Variants in KCMF1 observed in about 807,000 individuals in gnomAD.
KCMF1 encodes E3 ubiquitin-protein ligase KCMF1.
A neutral mutation model predicts 41.1 loss-of-function variants in KCMF1; 3 were observed. The observed-to-expected ratio is 0.07, with a 90% CI of 0.03 to 0.19. KCMF1 has a LOEUF of 0.19. KCMF1 is among the 10% of genes least tolerant of loss of function. KCMF1 has a pLI of 1.00. For missense variants in KCMF1, 286 were observed against 488.9 expected (o/e 0.58, Z 3.91); for synonymous variants, 142 against 164.5 (o/e 0.86, Z 1.04).
At chr2:85,036,492 G>T (rs966966162) in intron 3 of KCMF1, among the ~76,000 whole-genome samples, 22 of 152,112 alleles carry the variant, frequency 1.4e-4, no homozygotes, top group African/African-American at 5.3e-4. Flanking sequence ...TTGTAAATTA[G>T]GCATCCTTAA....
At chr2:85,005,561 A>G (rs901950210) in intron 1 of KCMF1, among the ~76,000 whole-genome samples, 1 of 152,114 alleles carries the variant, frequency 6.6e-6, no homozygotes, top group African/African-American at 2.4e-5. Context: ...AAGTGCTGGG[A>G]TTACAGGCAT....
At chr2:85,010,655 T>C (rs1190970636) in intron 1 of KCMF1, among the ~76,000 whole-genome samples, 2 of 152,166 alleles carry the variant, frequency 1.3e-5, no homozygotes, top group African/African-American at 4.8e-5. Context: ...AATAGTGACA[T>C]GTGCCTAGTG....
At chr2:85,030,939 C>G (rs748677574) in intron 2 of KCMF1, among the ~76,000 whole-genome samples, 2 of 152,192 alleles carry the variant, frequency 1.3e-5, no homozygotes, top group African/African-American at 4.8e-5. Flanking sequence ...TCAAAGTGAT[C>G]TGCCTGCCTC....
chr2:85,027,860 G>A (rs1293452441), intron 1 of KCMF1, 29 bp from the exon 2 acceptor site: 2 of 1,491,974 alleles, frequency 1.3e-6, no homozygotes, highest in Non-Finnish European at 9.1e-7. Context: ...TTTACAACTG[G>A]TAACTAAAGA....
At chr2:85,025,797 AT>A (rs1211043240) in intron 1 of KCMF1, among the ~76,000 whole-genome samples, 2 of 151,734 alleles carry the variant, frequency 1.3e-5, no homozygotes, top group African/African-American at 2.4e-5. Context: ...TAAATGACAT[AT>A]TTTTAATAAT....
At chr2:84,993,438 A>C (rs561355462) in intron 1 of KCMF1, among the ~76,000 whole-genome samples, 1 of 151,768 alleles carries the variant, frequency 6.6e-6, no homozygotes, top group Non-Finnish European at 1.5e-5. Context: ...CTGTTGGGAG[A>C]TAATTTGTTT....
At chr2:85,017,280 C>A (rs547988782) in intron 1 of KCMF1, among the ~76,000 whole-genome samples, 9 of 152,050 alleles carry the variant, frequency 5.9e-5, no homozygotes, top group Admixed American at 5.9e-4. Context: ...CCCGCTTCGG[C>A]CTCCCAAAGT....
intron 1 of KCMF1, among the ~76,000 whole-genome samples, chr2:84,982,924 C>T (rs1234392267): frequency 6.6e-6 from 1 of 152,158 alleles, no homozygotes; most frequent in Non-Finnish European, 1.5e-5. Context: ...CTGATTTTCT[C>T]TTCTCTAGGA....
intron 4 of KCMF1, among the ~76,000 whole-genome samples, chr2:85,045,463 T>C (rs1675641657): frequency 6.6e-6 from 1 of 152,138 alleles, no homozygotes; most frequent in Non-Finnish European, 1.5e-5. Context: ...TAATCTGCAT[T>C]ATAAAGCTGG....
intron 2 of KCMF1, among the ~76,000 whole-genome samples, chr2:85,028,949 CAAAT>C (rs1227781021): frequency 6.6e-6 from 1 of 152,122 alleles, no homozygotes; most frequent in East Asian, 1.9e-4. Context: ...TATTAACACA[CAAAT>C]AATAGCTTTA....
intron 1 of KCMF1, among the ~76,000 whole-genome samples, chr2:85,008,340 G>GATATGTA: frequency 3.7e-5 from 1 of 27,326 alleles, no homozygotes; most frequent in South Asian, 1.0e-3. Flanking sequence ...TATATAATAT[G>GATATGTA]ATATATAATA....
chr2:84,993,217 AAAAC>A (rs1674089875), intron 1 of KCMF1, among the ~76,000 whole-genome samples: 1 of 151,926 alleles, frequency 6.6e-6, no homozygotes, highest in Admixed American at 6.6e-5. Flanking sequence ...AAACAGGAAA[AAAAC>A]AAAACAAAAC....
intron 1 of KCMF1, among the ~76,000 whole-genome samples, chr2:84,997,482 G>C (rs1472854069): frequency 2.6e-5 from 4 of 152,086 alleles, no homozygotes; most frequent in South Asian, 4.1e-4. Context: ...TTGAGGACTT[G>C]AAGAAGGCAT....
At chr2:85,052,793 C>G (rs1675838567) in intron 6 of KCMF1, among the ~76,000 whole-genome samples, 1 of 152,230 alleles carries the variant, frequency 6.6e-6, no homozygotes, top group Non-Finnish European at 1.5e-5. Flanking sequence ...TTATTTACCC[C>G]CAGATGAAAT....
rs1387498096 is a variant in KCMF1, at chr2:85,038,621, T to C, written c.324+3466T>C. Among the ~76,000 whole-genome samples the C allele has an allele frequency of 2.0e-5, 3 of 152,224 alleles. No individual in the cohort carries two copies. In the East Asian group the frequency reaches 5.8e-4, roughly 29 times the overall value. On this transcript the variant is annotated intron_variant, in intron 3 of 6. Coordinates refer to ENST00000409785, the MANE Select transcript of KCMF1 (RefSeq NM_020122.5). Reference sequence around the variant, plus strand: ...CTTTCTTCTTCTTCTTCTTCTTTTTTTTCTTTTTTTGTATAAGCACTAAAG... The same window carrying C: ...CTTTCTTCTTCTTCTTCTTCTTTTTCTTCTTTTTTTGTATAAGCACTAAAG...
chr2:85,013,670 C>T (rs1202506980), intron 1 of KCMF1, among the ~76,000 whole-genome samples: 1 of 151,890 alleles, frequency 6.6e-6, no homozygotes, highest in African/African-American at 2.4e-5. Flanking sequence ...TGGTGGCACG[C>T]ACTTGTAATC....
chr2:85,004,706 G>A (rs1674423339), intron 1 of KCMF1, among the ~76,000 whole-genome samples: 2 of 151,976 alleles, frequency 1.3e-5, no homozygotes, highest in Admixed American at 1.3e-4. Context: ...TCGTAGGATT[G>A]TTTGCTTACC....
chr2:85,044,019 G>A (rs949191560), intron 4 of KCMF1, among the ~76,000 whole-genome samples: 4 of 152,176 alleles, frequency 2.6e-5, no homozygotes, highest in Admixed American at 1.3e-4. Context: ...TTCATTAAGT[G>A]AAAGTTGACT....
Position 84,998,943 on chromosome 2 carries a change from T to C in KCMF1, c.16+27476T>C, listed in dbSNP as rs1388686605. The stretch of plus-strand genomic sequence containing the variant: ...CTATCTATCTATCTATCTATCTATC[T>C]ATCTATCTATCTATCTATCTATCTG... On this transcript the variant is annotated intron_variant, in intron 1 of 6. Transcript: ENST00000409785. Among the ~76,000 whole-genome samples the C allele has an allele frequency of 4.0e-5, 4 of 98,784 alleles. No individual in the cohort carries two copies. The East Asian group carries it at 1.2e-3, about 30-fold the overall frequency. 64.8% of individuals were successfully genotyped at this position (98,784 alleles called of 152,430 possible). A position where few individuals can be genotyped will look rare whatever the true frequency, so the allele number is the denominator to read the frequency against.
Sources: allele counts gnomAD v4.1 joint callset (sites outside exome capture counted in the v4.1 genomes callset), GRCh38; gene constraint gnomAD v4.1.1; transcripts MANE v1.5; gene names NCBI Gene and HGNC (gene_info 2026-07-23, HGNC 2026-07-21).